The following NBPF12 variants were observed in gnomAD, a reference collection of about 807,000 sequenced individuals.
NBPF12 encodes NBPF family member NBPF12.
A neutral mutation model predicts 146.4 loss-of-function variants in NBPF12; 115 were observed. The ratio of observed to expected loss-of-function variants is 0.79; its 90% CI spans 0.68 to 0.92. The LOEUF (loss-of-function observed/expected upper bound fraction) is 0.92, where lower values mean the gene tolerates loss of function less well. Ranked by LOEUF, NBPF12 falls within the 40% of genes least tolerant of loss-of-function variation. The pLI is 0.00. For synonymous variants in NBPF12, 385 were observed against 508.9 expected (o/e 0.76, Z 3.28); for missense variants, 1,205 against 1,326.8 (o/e 0.91, Z 1.43).
chr1:146,964,846 C>A (rs1656088883), intron 7 of NBPF12, 47 bp from the exon 11 acceptor site: 1 of 1,584,100 alleles, frequency 6.3e-7, no homozygotes. Flanking sequence ...GGGTCCAATC[C>A]CTCTGTGTTT....
intron 9 of NBPF12, among the ~76,000 whole-genome samples, chr1:146,967,134 T>A (rs1216160787): frequency 6.6e-6 from 1 of 150,732 alleles, no homozygotes. Flanking sequence ...TAGTAGCCAG[T>A]ACCCGCTCTG....
rs1553887115 is a variant in NBPF12, at chr1:146,974,851, C to A, written c.1904+10C>A. The A allele has an allele frequency of 1.5e-6, 2 of 1,297,728 alleles. No homozygotes were observed. The highest frequency in any genetic ancestry group is 2.1e-6 in the Non-Finnish European group (2 of 956,484). 80.4% of individuals were successfully genotyped at this position (1,297,728 alleles called of 1,614,324 possible). Reference sequence around the variant, plus strand: ...AAGCTGAGGAGCTCAGGTGAGGGGACCCCATGGGGGCAGACAGGGGGGCAG... The same window carrying A: ...AAGCTGAGGAGCTCAGGTGAGGGGAACCCATGGGGGCAGACAGGGGGGCAG... On this transcript the variant is annotated intron_variant, in intron 15 of 33. Coordinates refer to ENST00000617844, the Ensembl canonical transcript of NBPF12.
chr1:146,994,805 A>T (rs1180593103), exon 34 of NBPF12: 3 of 806,912 alleles, frequency 3.7e-6, no homozygotes, highest in South Asian at 1.8e-5. Flanking sequence ...ACATGCCGGG[A>T]GTGATCAGCC....
In NBPF12 at chr1:146,994,537, C is replaced by A. The variant is rs111770433; in HGVS notation, c.4336C>A (p.His1446Asn). The A allele has an allele frequency of 1.2e-4, 190 of 1,609,534 alleles. 1 individual carries two copies. The East Asian group carries it at 2.6e-3, about 22-fold the overall frequency. The change falls in exon 34 of 34, where the codon CAC becomes AAC. Residue 1446 changes from histidine (H) to asparagine (N), a missense_variant. His to Asn is a moderately conservative substitution (Grantham distance 68). Around this residue, in one of 16 missense-constraint regions of NBPF12, gnomAD observed 210 missense variants for 94.4 expected, o/e 2.22. Coordinates refer to ENST00000617844, the Ensembl canonical transcript of NBPF12. ...TTTTACTTTGACGGTGACAAGTCTC[C>A]ACCTGGTCTTCCAGATGGGAGTCAT...
exon 6 of NBPF12, chr1:146,963,261 G>T (rs1655974495): frequency 1.2e-6 from 2 of 1,611,846 alleles, no homozygotes; most frequent in African/African-American, 1.3e-5. Context: ...AGAACAGCTG[G>T]CTGAGGGGTG....
chr1:146,961,587 A>G (rs1251102998), intron 4 of NBPF12, among the ~76,000 whole-genome samples: 2 of 149,888 alleles, frequency 1.3e-5, no homozygotes, highest in Admixed American at 1.3e-4. Flanking sequence ...TGCCTCTCAT[A>G]CTAATAAAGT....
chr1:146,960,584 T>A (rs1655786578), intron 4 of NBPF12, among the ~76,000 whole-genome samples: 1 of 152,018 alleles, frequency 6.6e-6, no homozygotes, highest in Non-Finnish European at 1.5e-5. Context: ...AATGACCTGT[T>A]TTCTCCAAGA....
chr1:146,964,398 G>A (rs1196403763), exon 7 of NBPF12: 16 of 1,602,588 alleles, frequency 1.0e-5, no homozygotes, highest in South Asian at 5.5e-5. Flanking sequence ...AGTTGAGGAG[G>A]ATGAGAAAGT....
exon 10 of NBPF12, chr1:146,968,528 C>G: frequency 1.9e-6 from 3 of 1,609,076 alleles, no homozygotes; most frequent in Non-Finnish European, 2.6e-6. Context: ...TGCAGAGCAG[C>G]TGAAGCAAGC....
intron 8 of NBPF12, among the ~76,000 whole-genome samples, chr1:146,965,913 G>T (rs1228116555): frequency 6.8e-6 from 1 of 146,764 alleles, no homozygotes; most frequent in Non-Finnish European, 1.5e-5. Context: ...ATCGAAACCA[G>T]CCTGTCCAAG....
At chr1:146,964,382 T>C in exon 7 of NBPF12, 2 of 1,603,104 alleles carry the variant, frequency 1.2e-6, no homozygotes, top group Admixed American at 1.7e-5. Context: ...AGGATGAAGA[T>C]GTTCAAGTTG....
At chr1:146,995,983 T>C (rs1553890518) in exon 34 of NBPF12, 2 of 150,084 alleles carry the variant, frequency 1.3e-5, no homozygotes, top group Admixed American at 1.3e-4. Flanking sequence ...ACTGTGCCTT[T>C]GTTTTTACTA....
At chr1:146,980,237 C>T (rs1657284927) in intron 19 of NBPF12, among the ~76,000 whole-genome samples, 1 of 152,012 alleles carries the variant, frequency 6.6e-6, no homozygotes, top group African/African-American at 2.4e-5. Context: ...TTTCTGAGTA[C>T]AGCGCACCGA....
intron 9 of NBPF12, among the ~76,000 whole-genome samples, chr1:146,967,732 A>G (rs1241284115): frequency 2.0e-5 from 3 of 150,364 alleles, no homozygotes; most frequent in African/African-American, 7.4e-5. Context: ...ACCTGTTCAG[A>G]GGGTACTACA....
At chr1:146,954,860 C>CAT (rs1252850831) in intron 2 of NBPF12, among the ~76,000 whole-genome samples, 16 of 140,404 alleles carry the variant, frequency 1.1e-4, no homozygotes, top group Admixed American at 5.2e-4. Context: ...ATTCTTAGGA[C>CAT]ATATATATAT....
At chr1:146,958,002 CAT>C (rs1368670463) in intron 2 of NBPF12, among the ~76,000 whole-genome samples, 4 of 116,536 alleles carry the variant, frequency 3.4e-5, no homozygotes, top group Admixed American at 1.8e-4. Context: ...TATATATATA[CAT>C]GTGTATATAT....
upstream of NBPF12, among the ~76,000 whole-genome samples, chr1:146,944,374 A>G (rs1218578346): frequency 2.7e-4 from 38 of 140,808 alleles, 2 homozygotes; most frequent in South Asian, 4.7e-4. Context: ...TCACGTGGCC[A>G]TCCACCAGGT....
chr1:146,972,860 C>A, exon 14 of NBPF12: 4 of 1,235,472 alleles, frequency 3.2e-6, no homozygotes, highest in East Asian at 4.6e-5. Context: ...AGAAGTTGCG[C>A]CCCCAGCTGG....
exon 34 of NBPF12, chr1:146,994,582 C>G (rs782802542): frequency 4.4e-6 from 7 of 1,608,188 alleles, no homozygotes; most frequent in Non-Finnish European, 5.9e-6. Flanking sequence ...ATAAGCAGCC[C>G]TTACTAAGCC....
Sources: allele counts gnomAD v4.1 joint callset (sites outside exome capture counted in the v4.1 genomes callset), GRCh38; gene constraint gnomAD v4.1.1; regional missense constraint gnomAD v4.1.1; transcripts MANE v1.5; gene names NCBI Gene and HGNC (gene_info 2026-07-23, HGNC 2026-07-21).